MPPED2: variants seen among roughly 807,000 people sequenced by gnomAD.
MPPED2 encodes the protein metallophosphoesterase MPPED2.
In MPPED2, 5 loss-of-function variants were observed where a neutral mutation model predicts 33.0. The observed-to-expected ratio is 0.15, with a 90% CI of 0.08 to 0.32. The LOEUF is 0.32. MPPED2 is among the 10% of genes least tolerant of loss of function. MPPED2 has a pLI of 1.00. For missense variants in MPPED2, 275 were observed against 372.1 expected, an observed-to-expected ratio of 0.74 and a Z score of 2.15; for synonymous variants, 136 against 141.9, an observed-to-expected ratio of 0.96 and a Z score of 0.29.
chr11:30,503,891 A>T (rs754090832), intron 3 of MPPED2, among the ~76,000 whole-genome samples: 13 of 152,206 alleles, frequency 8.5e-5, no homozygotes, highest in Non-Finnish European at 1.6e-4. Flanking sequence ...GCCCAGGAAA[A>T]TCAAATTCAC....
intron 4 of MPPED2, among the ~76,000 whole-genome samples, chr11:30,441,062 C>T (rs1949549567): frequency 6.6e-6 from 1 of 152,150 alleles, no homozygotes; most frequent in African/African-American, 2.4e-5. Context: ...CAAACCAATC[C>T]ATTCTCTGGG....
At chr11:30,436,344 C>A (rs1949324471) in intron 4 of MPPED2, among the ~76,000 whole-genome samples, 1 of 152,058 alleles carries the variant, frequency 6.6e-6, no homozygotes, top group Non-Finnish European at 1.5e-5. Flanking sequence ...TGAAGCCACT[C>A]CAAGGTTCTG....
At chr11:30,396,951 T>G (rs1230980823) in intron 6 of MPPED2, among the ~76,000 whole-genome samples, 5 of 152,174 alleles carry the variant, frequency 3.3e-5, no homozygotes, top group Non-Finnish European at 5.9e-5. Flanking sequence ...ATGCTCAATC[T>G]TCTATCTCTC....
At chr11:30,431,384 G>A (rs1311991036) in intron 4 of MPPED2, among the ~76,000 whole-genome samples, 1 of 152,204 alleles carries the variant, frequency 6.6e-6, no homozygotes, top group East Asian at 1.9e-4. Context: ...TGAGTAAGCT[G>A]CTGCACCTCT....
At chr11:30,560,274 T>C (rs975778917) in intron 2 of MPPED2, among the ~76,000 whole-genome samples, 1 of 151,964 alleles carries the variant, frequency 6.6e-6, no homozygotes, top group Admixed American at 6.6e-5. Context: ...ATGTATTTCA[T>C]AGTAGTTGCT....
chr11:30,464,268 AACACACACAC>A (rs10660237), intron 4 of MPPED2, among the ~76,000 whole-genome samples: 2 of 145,916 alleles, frequency 1.4e-5, no homozygotes, highest in African/African-American at 2.5e-5. Flanking sequence ...AAAGGATACT[AACACACACAC>A]ACACACACAC....
At chr11:30,503,774 A>G (rs981042838) in intron 3 of MPPED2, among the ~76,000 whole-genome samples, 6 of 152,180 alleles carry the variant, frequency 3.9e-5, no homozygotes, top group African/African-American at 1.4e-4. Context: ...AAGGAAACCA[A>G]AAATGTCTGG....
At chr11:30,552,503 T>A (rs1367913430) in intron 2 of MPPED2, among the ~76,000 whole-genome samples, 2 of 152,358 alleles carry the variant, frequency 1.3e-5, no homozygotes, top group Non-Finnish European at 2.9e-5. Context: ...TTCCATTTCA[T>A]CTTTCTGCTA....
At chr11:30,526,728 T>C (rs1954207092) in intron 3 of MPPED2, among the ~76,000 whole-genome samples, 1 of 151,186 alleles carries the variant, frequency 6.6e-6, no homozygotes, top group South Asian at 2.1e-4. Context: ...GGCTCCTACC[T>C]TTACCTCTTT....
intron 3 of MPPED2, among the ~76,000 whole-genome samples, chr11:30,512,134 A>G (rs75417541): frequency 6.6e-6 from 1 of 152,190 alleles, no homozygotes; most frequent in African/African-American, 2.4e-5. Context: ...ACGGTGTCCT[A>G]TGAGAACTCT....
chr11:30,444,262 G>A (rs575208392), intron 4 of MPPED2, among the ~76,000 whole-genome samples: 60 of 152,254 alleles, frequency 3.9e-4, no homozygotes, highest in Admixed American at 1.4e-3. Flanking sequence ...GCGTTATAAC[G>A]TAATGAAAAT....
intron 4 of MPPED2, among the ~76,000 whole-genome samples, chr11:30,455,188 C>T (rs1430289907): frequency 1.3e-5 from 2 of 152,196 alleles, no homozygotes; most frequent in South Asian, 2.1e-4. Context: ...CTACATATTG[C>T]TGCAATGACA....
At chr11:30,585,743 G>C (rs945199350) in intron 1 of MPPED2, among the ~76,000 whole-genome samples, 10 of 152,120 alleles carry the variant, frequency 6.6e-5, no homozygotes, top group Admixed American at 2.0e-4. Context: ...GCGCAGGATG[G>C]GGAGTCGGAG....
chr11:30,508,986 A>G (rs544331516), intron 3 of MPPED2, among the ~76,000 whole-genome samples: 5 of 152,236 alleles, frequency 3.3e-5, no homozygotes, highest in Non-Finnish European at 7.3e-5. Flanking sequence ...GAATGAAGAA[A>G]TAATTCTATA....
intron 6 of MPPED2, among the ~76,000 whole-genome samples, chr11:30,397,420 G>A (rs1312265926): frequency 4.6e-5 from 7 of 151,980 alleles, no homozygotes; most frequent in Admixed American, 2.6e-4. Context: ...GTTAAATTTG[G>A]TTGATATTCG....
intron 4 of MPPED2, among the ~76,000 whole-genome samples, chr11:30,457,653 G>C (rs1950336346): frequency 6.6e-6 from 1 of 152,172 alleles, no homozygotes; most frequent in African/African-American, 2.4e-5. Flanking sequence ...GGCTCAGAGA[G>C]GTAAGGTAAC....
At chr11:30,533,233 G>A (rs773389006) in intron 3 of MPPED2, among the ~76,000 whole-genome samples, 2 of 152,048 alleles carry the variant, frequency 1.3e-5, no homozygotes, top group Non-Finnish European at 2.9e-5. Context: ...AATGACCTTG[G>A]GTAAAATGGG....
At chr11:30,546,435 T>C (rs1242993469) in intron 2 of MPPED2, among the ~76,000 whole-genome samples, 1 of 152,202 alleles carries the variant, frequency 6.6e-6, no homozygotes. Flanking sequence ...TTCTTTTTTA[T>C]TAAAATTCAG....
intron 4 of MPPED2, among the ~76,000 whole-genome samples, chr11:30,440,715 C>G (rs993305444): frequency 6.6e-6 from 1 of 152,236 alleles, no homozygotes; most frequent in Non-Finnish European, 1.5e-5. Flanking sequence ...ACTGCTGACA[C>G]GTTCATTTCA....
Sources: gnomAD v4.1 joint callset for allele counts (sites outside exome capture counted in the v4.1 genomes callset) on GRCh38, gnomAD v4.1.1 for gene constraint, MANE v1.5 for transcripts, NCBI Gene and HGNC (gene_info 2026-07-23, HGNC 2026-07-21) for gene names.